The following GPHN variants were observed in gnomAD, a reference collection of about 807,000 sequenced individuals.
The protein encoded by GPHN is gephyrin.
A neutral mutation model predicts 95.5 loss-of-function variants in GPHN; 17 were observed. The ratio of observed to expected loss-of-function variants is 0.18; its 90% confidence interval spans 0.12 to 0.27. GPHN has a LOEUF of 0.27. GPHN is among the 10% of genes least tolerant of loss of function. The pLI, the probability that GPHN is intolerant of heterozygous loss-of-function variation, is 1.00. For synonymous variants in GPHN, 320 were observed against 322.5 expected (o/e 0.99, Z 0.08); for missense variants, 660 against 978.1 (o/e 0.67, Z 4.34).
intron 18 of GPHN, among the ~76,000 whole-genome samples, chr14:67,157,598 T>C (rs1040231675): frequency 6.6e-6 from 1 of 151,942 alleles, no homozygotes; most frequent in Admixed American, 6.6e-5. Flanking sequence ...CCAGGGTGGG[T>C]GGATCGCTTG....
At position 66,641,255 on chromosome 14, in the gene GPHN, A is replaced by G. The variant is rs901638893; in HGVS notation, c.65-39852A>G. The stretch of plus-strand genomic sequence containing the variant: ...ATTTTGATCTTTCTCTAGGCTAGTG[A>G]TATGTAATAGAATACTCTATTGCAG... On this transcript the variant is annotated intron_variant, in intron 1 of 22. Coordinates refer to ENST00000478722, the MANE Select transcript of GPHN (RefSeq NM_020806.5). Among the ~76,000 whole-genome samples the G allele has an allele frequency of 1.5e-4, 23 of 152,194 alleles. 1 individual carries two copies. The highest frequency in any genetic ancestry group is 8.8e-5 in the Non-Finnish European group (6 of 68,038).
the GPHN span, among the ~76,000 whole-genome samples, chr14:67,220,391 A>C: frequency 6.6e-6 from 1 of 152,142 alleles, no homozygotes; most frequent in African/African-American, 2.4e-5. Context: ...GCAAAGAGCC[A>C]TGATAGAGCC....
chr14:67,327,123 C>T, the GPHN span, among the ~76,000 whole-genome samples: 28 of 151,974 alleles, frequency 1.8e-4, no homozygotes, highest in African/African-American at 5.3e-4. Flanking sequence ...TGCAGTGAAC[C>T]GGGATTGCGC....
the GPHN span, among the ~76,000 whole-genome samples, chr14:67,643,248 G>C: frequency 5.3e-5 from 8 of 152,308 alleles, no homozygotes; most frequent in African/African-American, 1.7e-4. Context: ...CAGGAAATTT[G>C]TGATATATTA....
the GPHN span, among the ~76,000 whole-genome samples, chr14:67,510,176 T>C: frequency 1.3e-5 from 2 of 152,198 alleles, no homozygotes; most frequent in African/African-American, 4.8e-5. Context: ...CTCATTGATA[T>C]GAGAAAAGAA....
the GPHN span, among the ~76,000 whole-genome samples, chr14:67,317,990 G>C: frequency 6.6e-6 from 1 of 152,220 alleles, no homozygotes; most frequent in African/African-American, 2.4e-5. Flanking sequence ...CTGGACCTGA[G>C]TGATGACTGT....
the GPHN span, among the ~76,000 whole-genome samples, chr14:67,416,019 G>A: frequency 1.6e-4 from 24 of 152,290 alleles, no homozygotes; most frequent in Admixed American, 1.4e-3. Context: ...AATAGCTAGT[G>A]CATGTTGGGC....
At chr14:67,592,219 G>A in the GPHN span, 1 of 250,932 alleles carries the variant, frequency 4.0e-6, no homozygotes. Flanking sequence ...AGAATTGCTT[G>A]AACTCAGGAG....
chr14:67,084,620 C>T (rs1412471439), intron 11 of GPHN, among the ~76,000 whole-genome samples: 1 of 152,190 alleles, frequency 6.6e-6, no homozygotes, highest in African/African-American at 2.4e-5. Flanking sequence ...TCCTTGAGGA[C>T]ATCAGCCAGG....
intron 2 of GPHN, among the ~76,000 whole-genome samples, chr14:66,757,862 A>G (rs1235952220): frequency 1.3e-5 from 2 of 152,200 alleles, no homozygotes; most frequent in African/African-American, 4.8e-5. Flanking sequence ...TCTCACAACC[A>G]GGAAGAATTA....
At chr14:67,128,749 G>T (rs541385161) in intron 17 of GPHN, among the ~76,000 whole-genome samples, 1 of 151,886 alleles carries the variant, frequency 6.6e-6, no homozygotes, top group Non-Finnish European at 1.5e-5. Context: ...AGCCTGGCCA[G>T]TATGGTGAAA....
At chr14:67,340,579 G>C in the GPHN span, 1 of 1,328,366 alleles carries the variant, frequency 7.5e-7, no homozygotes, top group Non-Finnish European at 1.1e-6. Flanking sequence ...CAAATTATCA[G>C]TGCTCATTTG....
the GPHN span, among the ~76,000 whole-genome samples, chr14:67,627,256 G>GATAGATATATATATATATAT: frequency 2.2e-5 from 3 of 133,746 alleles, no homozygotes; most frequent in Admixed American, 7.7e-5. Flanking sequence ...TCAGTAAGGA[G>GATAGATATATATATATATAT]ATATATATAT....
chr14:67,033,341 A>G (rs966861681), intron 10 of GPHN, among the ~76,000 whole-genome samples: 4 of 152,190 alleles, frequency 2.6e-5, no homozygotes, highest in African/African-American at 7.2e-5. Flanking sequence ...AGGCAGGCGG[A>G]TCACTTGAGT....
chr14:66,527,910 T>A (rs1006568223), intron 1 of GPHN, among the ~76,000 whole-genome samples: 1 of 152,286 alleles, frequency 6.6e-6, no homozygotes, highest in Admixed American at 6.5e-5. Flanking sequence ...TTAGAGTAAG[T>A]GTGATGTGGT....
the GPHN span, among the ~76,000 whole-genome samples, chr14:67,724,255 T>C: frequency 6.6e-6 from 1 of 152,236 alleles, no homozygotes; most frequent in Non-Finnish European, 1.5e-5. Context: ...TTGTGGCTTC[T>C]GGGCAAGTGA....
At chr14:67,383,644 C>A in the GPHN span, 1 of 605,480 alleles carries the variant, frequency 1.7e-6, no homozygotes, top group Non-Finnish European at 2.8e-6. Context: ...ACACTTTGAG[C>A]ATTTTTAAGG....
the GPHN span, chr14:67,577,424 G>T: frequency 6.5e-7 from 1 of 1,533,318 alleles, no homozygotes; most frequent in Non-Finnish European, 8.9e-7. Context: ...GGTAAATTGG[G>T]GTGGCGGCCA....
At chr14:66,516,931 A>G (rs926802960) in intron 1 of GPHN, among the ~76,000 whole-genome samples, 9 of 152,040 alleles carry the variant, frequency 5.9e-5, no homozygotes, top group African/African-American at 2.2e-4. Context: ...GGAGATTGAG[A>G]CCATCCTGGC....
Sources: allele counts gnomAD v4.1 joint callset (sites outside exome capture counted in the v4.1 genomes callset), GRCh38; gene constraint gnomAD v4.1.1; transcripts MANE v1.5; gene names NCBI Gene and HGNC (gene_info 2026-07-23, HGNC 2026-07-21).